Variants in ME3 observed in about 807,000 individuals in gnomAD.
ME3 encodes the protein NADP-dependent malic enzyme, mitochondrial.
In ME3, 48 loss-of-function variants were observed where a neutral mutation model predicts 68.9. That is an observed-to-expected ratio of 0.70 (90% CI 0.55 to 0.89). ME3 has a LOEUF of 0.89. Ranked by LOEUF, ME3 falls within the 40% of genes least tolerant of loss-of-function variation. The pLI is 0.00. For missense variants in ME3, 675 were observed against 797.4 expected (o/e 0.85, Z 1.85); for synonymous variants, 320 against 318.8 (o/e 1.00, Z -0.04).
At chr11:86,477,975 A>G (rs1002621261) in intron 7 of ME3, among the ~76,000 whole-genome samples, 2 of 152,000 alleles carry the variant, frequency 1.3e-5, no homozygotes, top group African/African-American at 4.8e-5. Flanking sequence ...AAACTGGGAA[A>G]CTGTTCTGCT....
intron 11 of ME3, 91 bp from the exon 12 acceptor site, chr11:86,447,298 C>A (rs1375569266): frequency 1.3e-6 from 2 of 1,514,600 alleles, no homozygotes; most frequent in East Asian, 4.5e-5. Context: ...CTAGGAATAC[C>A]ATGAAAGACT....
In ME3 at chr11:86,462,535, AG is replaced by A. The variant is rs1168822554; in HGVS notation, c.919+2555del. Reference sequence around the variant, plus strand: ...ATGACCTGGATAACAGAGAGGCTGCAGGGGCAGGTGTCCAGTGTAGACATAC... The same window carrying A: ...ATGACCTGGATAACAGAGAGGCTGCAGGGCAGGTGTCCAGTGTAGACATAC... On this transcript the variant is annotated intron_variant, in intron 8 of 14. Coordinates refer to ENST00000543262, the Ensembl canonical transcript of ME3. 2.5e-6 allele frequency: 3 copies of A among 1,213,478 alleles called. No individual in the cohort carries two copies. In the African/African-American group the frequency reaches 4.7e-5, roughly 19 times the overall value. 75.2% of individuals were successfully genotyped at this position (1,213,478 alleles called of 1,614,324 possible). A position where few individuals can be genotyped will look rare whatever the true frequency, so the allele number is the denominator to read the frequency against.
At chr11:86,575,608 A>C (rs1159938508) in intron 2 of ME3, among the ~76,000 whole-genome samples, 1 of 118,762 alleles carries the variant, frequency 8.4e-6, no homozygotes, top group Non-Finnish European at 1.8e-5. Context: ...TGCCTTTTAG[A>C]GGAGACAGAG....
At chr11:86,596,881 G>T (rs1028400137) in intron 2 of ME3, among the ~76,000 whole-genome samples, 2 of 152,094 alleles carry the variant, frequency 1.3e-5, no homozygotes, top group Non-Finnish European at 2.9e-5. Context: ...TCAGAACCAG[G>T]TCATAGATGA....
intron 2 of ME3, among the ~76,000 whole-genome samples, chr11:86,665,608 T>C (rs1441575424): frequency 6.6e-6 from 1 of 152,100 alleles, no homozygotes; most frequent in Non-Finnish European, 1.5e-5. Flanking sequence ...GAGTGACATG[T>C]TGAAACTTAG....
At chr11:86,484,659 A>G (rs1478128000) in intron 7 of ME3, among the ~76,000 whole-genome samples, 1 of 152,232 alleles carries the variant, frequency 6.6e-6, no homozygotes, top group Admixed American at 6.5e-5. Context: ...GGGGAATCAC[A>G]GAATGATTAC....
chr11:86,549,342 T>C (rs1204964128), intron 4 of ME3, among the ~76,000 whole-genome samples: 1 of 152,228 alleles, frequency 6.6e-6, no homozygotes, highest in Non-Finnish European at 1.5e-5. Flanking sequence ...TCTGCCCTTA[T>C]CTCCTCTTTC....
chr11:86,482,668 G>A (rs1476134367), intron 7 of ME3, among the ~76,000 whole-genome samples: 1 of 151,392 alleles, frequency 6.6e-6, no homozygotes, highest in African/African-American at 2.4e-5. Flanking sequence ...TCCTTAAGAA[G>A]GCCTGGCAGC....
chr11:86,552,724 C>T (rs1956754645), intron 4 of ME3, among the ~76,000 whole-genome samples: 3 of 152,132 alleles, frequency 2.0e-5, no homozygotes, highest in African/African-American at 7.2e-5. Context: ...AGTCCTCTGC[C>T]CTCCAGCTCC....
intron 7 of ME3, among the ~76,000 whole-genome samples, chr11:86,477,851 G>A (rs1951171084): frequency 3.3e-5 from 5 of 152,104 alleles, no homozygotes; most frequent in Admixed American, 3.3e-4. Flanking sequence ...CCTAGCCTGT[G>A]ACCCAGGACA....
chr11:86,455,199 A>G (rs953859046), intron 8 of ME3, among the ~76,000 whole-genome samples: 2 of 143,538 alleles, frequency 1.4e-5, no homozygotes, highest in Non-Finnish European at 1.5e-5. Flanking sequence ...AGGGCCTACA[A>G]AGTGACAGGC....
chr11:86,645,570 C>T (rs760355695), intron 2 of ME3, among the ~76,000 whole-genome samples: 21 of 152,218 alleles, frequency 1.4e-4, no homozygotes, highest in Non-Finnish European at 2.6e-4. Context: ...ATAGATAAAA[C>T]TCCCATCTCC....
At chr11:86,547,254 A>C (rs1369659180) in intron 4 of ME3, among the ~76,000 whole-genome samples, 2 of 151,496 alleles carry the variant, frequency 1.3e-5, no homozygotes, top group Non-Finnish European at 2.9e-5. Flanking sequence ...AAAAAAAAAA[A>C]AAAAAAGAAA....
intron 2 of ME3, among the ~76,000 whole-genome samples, chr11:86,647,841 A>C (rs1021246130): frequency 5.9e-5 from 9 of 152,212 alleles, no homozygotes; most frequent in African/African-American, 2.2e-4. Flanking sequence ...AATATTAGAC[A>C]GATCAACGAG....
intron 6 of ME3, among the ~76,000 whole-genome samples, chr11:86,495,090 G>A (rs1441540265): frequency 6.6e-6 from 1 of 152,126 alleles, no homozygotes. Context: ...TAAAGCAACA[G>A]AAATTAGGCA....
At chr11:86,532,155 G>A (rs927535025) in intron 4 of ME3, among the ~76,000 whole-genome samples, 2 of 152,182 alleles carry the variant, frequency 1.3e-5, no homozygotes, top group Non-Finnish European at 2.9e-5. Context: ...TGATAAAGGA[G>A]TCAATTCATC....
At position 86,487,325 on chromosome 11, in the gene ME3, TG is replaced by T. The variant is rs747895638; in HGVS notation, c.809+11del. 2.6e-5 allele frequency: 42 copies of T among 1,605,284 alleles called. No individual in the cohort carries two copies. In the Admixed American group the frequency reaches 7.0e-4, roughly 27 times the overall value. On this transcript the variant is annotated intron_variant, in intron 7 of 14. Transcript: ENST00000543262. ...AAGTCCTCTTTCAAAAGGGACAGACTGGTCCACTTACTTGTCTGTCACAGCC... is the reference window on the plus strand; with the variant it reads ...AAGTCCTCTTTCAAAAGGGACAGACTGTCCACTTACTTGTCTGTCACAGCC...
chr11:86,488,289 T>C (rs1428845208), intron 6 of ME3, among the ~76,000 whole-genome samples: 3 of 152,222 alleles, frequency 2.0e-5, no homozygotes, highest in Non-Finnish European at 4.4e-5. Context: ...CAGAATTTCA[T>C]TGAAGTATTG....
intron 4 of ME3, among the ~76,000 whole-genome samples, chr11:86,518,483 G>C (rs1453886813): frequency 6.6e-6 from 1 of 152,132 alleles, no homozygotes; most frequent in African/African-American, 2.4e-5. Flanking sequence ...GATTTTCTTT[G>C]TCCTGTCATT....
Sources: gnomAD v4.1 joint callset for allele counts (sites outside exome capture counted in the v4.1 genomes callset) on GRCh38, gnomAD v4.1.1 for gene constraint, MANE v1.5 for transcripts, NCBI Gene and HGNC (gene_info 2026-07-23, HGNC 2026-07-21) for gene names.